Variants in TNFRSF19 observed in about 807,000 individuals in gnomAD.
TNFRSF19 encodes TNF receptor superfamily member 19.
TNFRSF19 carries 27 observed loss-of-function variants against 46.4 expected under a neutral mutation model. The observed-to-expected ratio is 0.58, with a 90% confidence interval of 0.43 to 0.80. TNFRSF19 has a LOEUF of 0.80. Ranked by LOEUF, TNFRSF19 falls within the 30% of genes least tolerant of loss-of-function variation. The pLI is 0.00. For synonymous variants in TNFRSF19, 204 were observed against 205.0 expected (o/e 1.00, Z 0.04); for missense variants, 511 against 530.8 (o/e 0.96, Z 0.37).
chr13:23,593,535 T>C, intron 3 of TNFRSF19, 80 bp downstream of exon 3: 1 of 952,966 alleles, frequency 1.0e-6, no homozygotes, highest in Non-Finnish European at 1.6e-6. Context: ...GAGTTAATTA[T>C]TAATGAAACT....
intron 5 of TNFRSF19, among the ~76,000 whole-genome samples, chr13:23,631,242 C>T (rs1882345347): frequency 6.6e-6 from 1 of 152,112 alleles, no homozygotes; most frequent in African/African-American, 2.4e-5. Context: ...AAGGGAACCC[C>T]AGTAGTCCCC....
chr13:23,609,155 A>C (rs1566181802), intron 3 of TNFRSF19, among the ~76,000 whole-genome samples: 1 of 152,192 alleles, frequency 6.6e-6, no homozygotes, highest in Non-Finnish European at 1.5e-5. Context: ...GTGGAGTCTG[A>C]GGATTTTATC....
chr13:23,602,629 C>G (rs140508425), intron 3 of TNFRSF19, among the ~76,000 whole-genome samples: 1 of 152,150 alleles, frequency 6.6e-6, no homozygotes, highest in East Asian at 1.9e-4. Flanking sequence ...CACACCTTAA[C>G]AAAGGTAAAA....
At chr13:23,637,157 C>T (rs1254260414) in intron 5 of TNFRSF19, among the ~76,000 whole-genome samples, 1 of 152,032 alleles carries the variant, frequency 6.6e-6, no homozygotes, top group Non-Finnish European at 1.5e-5. Context: ...TGATTTTAGG[C>T]CCGGGGGACA....
At chr13:23,620,245 C>T (rs1047428839) in intron 4 of TNFRSF19, among the ~76,000 whole-genome samples, 10 of 152,158 alleles carry the variant, frequency 6.6e-5, no homozygotes, top group African/African-American at 1.7e-4. Flanking sequence ...GGCAGAAAGA[C>T]GTGAGCAAAA....
intron 4 of TNFRSF19, among the ~76,000 whole-genome samples, 167 bp from the exon 5 acceptor site, chr13:23,626,540 G>A (rs1882024296): frequency 6.6e-6 from 1 of 151,894 alleles, no homozygotes; most frequent in Non-Finnish European, 1.5e-5. Flanking sequence ...TATTTCTTAA[G>A]TGTCCACTGC....
chr13:23,579,187 G>A (rs1292965991), intron 1 of TNFRSF19, among the ~76,000 whole-genome samples: 1 of 152,248 alleles, frequency 6.6e-6, no homozygotes, highest in Non-Finnish European at 1.5e-5. Context: ...TAGCCGCGGA[G>A]TGGGGGCCTC....
rs764613771 is a variant in TNFRSF19 at position 23,668,618 on chromosome 13, C to T, written c.840-74C>T. On this transcript the variant is annotated intron_variant, in intron 8 of 9. Coordinates refer to ENST00000248484, the MANE Select transcript of TNFRSF19 (RefSeq NM_148957.4). Reference sequence around the variant, plus strand: ...ATTTCATTTAGAAGACCTAAAATTACGGCTGACATGCTTCTTTGTAGTAGT... The same window carrying T: ...ATTTCATTTAGAAGACCTAAAATTATGGCTGACATGCTTCTTTGTAGTAGT... 750 of 1,508,682 alleles carry T rather than the reference C, an allele frequency of 5.0e-4. 1 individual carries two copies. The highest frequency in any genetic ancestry group is 5.9e-4 in the Non-Finnish European group (661 of 1,125,774). The allele number at this position is 1,508,682 out of a possible 1,614,324, so 93.5% of individuals were successfully genotyped here. A position where few individuals can be genotyped will look rare whatever the true frequency, so the allele number is the denominator to read the frequency against.
intron 7 of TNFRSF19, among the ~76,000 whole-genome samples, chr13:23,664,683 A>G (rs1335894495): frequency 1.3e-5 from 2 of 152,220 alleles, no homozygotes; most frequent in Non-Finnish European, 2.9e-5. Context: ...TTATCAGTTA[A>G]GTGTTCCAGT....
At chr13:23,595,325 A>G (rs904637741) in intron 3 of TNFRSF19, among the ~76,000 whole-genome samples, 5 of 152,234 alleles carry the variant, frequency 3.3e-5, no homozygotes, top group African/African-American at 1.2e-4. Flanking sequence ...CTAAAGGAGC[A>G]TGTTCTAACC....
intron 5 of TNFRSF19, among the ~76,000 whole-genome samples, chr13:23,632,631 A>G (rs1414026338): frequency 6.6e-6 from 1 of 152,192 alleles, no homozygotes; most frequent in Non-Finnish European, 1.5e-5. Context: ...CTGGAAAATA[A>G]TCTAAAATAG....
chr13:23,620,444 C>T (rs1459658135), intron 4 of TNFRSF19, among the ~76,000 whole-genome samples: 1 of 152,208 alleles, frequency 6.6e-6, no homozygotes, highest in Admixed American at 6.5e-5. Flanking sequence ...CATCTGTCCT[C>T]CGTGCCCACA....
rs1002431688 is a variant in TNFRSF19 at position 23,593,206 on chromosome 13, A to T, written c.70-139A>T. On this transcript the variant is annotated intron_variant, in intron 2 of 9. Transcript: ENST00000248484. ...TATTCAGAAAGTGTGTTTTCTTCCTAAAGTGAACATTGAATTGACTTGAAC... is the reference window on the plus strand; with the variant it reads ...TATTCAGAAAGTGTGTTTTCTTCCTTAAGTGAACATTGAATTGACTTGAAC... 5 of 516,892 alleles carry T rather than the reference A, an allele frequency of 9.7e-6. No homozygotes were observed. The East Asian group carries it at 1.8e-4, about 18-fold the overall frequency. 32.0% of individuals were successfully genotyped at this position (516,892 alleles called of 1,614,324 possible). A position where few individuals can be genotyped will look rare whatever the true frequency, so the allele number is the denominator to read the frequency against.
At chr13:23,647,968 A>AC (rs869088226) in intron 5 of TNFRSF19, among the ~76,000 whole-genome samples, 15 of 150,280 alleles carry the variant, frequency 1.0e-4, no homozygotes, top group Non-Finnish European at 1.8e-4. Context: ...GTACCACACC[A>AC]CCCCCCCTTT....
chr13:23,585,348 G>A (rs1430741661), intron 1 of TNFRSF19: 3 of 152,060 alleles, frequency 2.0e-5, no homozygotes, highest in Admixed American at 6.6e-5. Context: ...TTATTACAAA[G>A]CACATATGTT....
At chr13:23,596,943 C>T (rs1266197349) in intron 3 of TNFRSF19, among the ~76,000 whole-genome samples, 2 of 152,212 alleles carry the variant, frequency 1.3e-5, no homozygotes, top group East Asian at 1.9e-4. Flanking sequence ...GATTGAGAAA[C>T]TCACTCAAAG....
rs562164237 is a variant in TNFRSF19, at chr13:23,631,433, G to A, written c.445+4641G>A. 7.2e-5 allele frequency among the ~76,000 whole-genome samples: 11 copies of A among 152,204 alleles called. No homozygotes were observed. In the South Asian group the frequency reaches 2.3e-3, roughly 32 times the overall value. ...TTTTTTTCATATAATGACTTGTCTG[G>A]GTAAAGTGTCACACAGGTATGTGGC... is the stretch of plus-strand genomic sequence containing the variant. On this transcript the variant is annotated intron_variant, in intron 5 of 9. Transcript: ENST00000248484.
In TNFRSF19 at chr13:23,676,092, T is replaced by C. The variant is rs1034869990; in HGVS notation, c.*2712T>C. On this transcript the variant is annotated 3_prime_UTR_variant, in exon 10 of 10. Coordinates refer to ENST00000248484, the MANE Select transcript of TNFRSF19 (RefSeq NM_148957.4). The stretch of plus-strand genomic sequence containing the variant: ...GAATAAAATTATCACCTGGTATTCT[T>C]ATTTATGTGTTCAGTGAGAGAATGA... 3 of 152,230 alleles carry C rather than the reference T, an allele frequency of 2.0e-5. No homozygotes were observed. The highest frequency in any genetic ancestry group is 2.9e-5 in the Non-Finnish European group (2 of 68,042). The allele number at this position is 152,230 out of a possible 1,614,324, so 9.4% of individuals were successfully genotyped here.
At chr13:23,585,955 T>C (rs55882269) in intron 1 of TNFRSF19, among the ~76,000 whole-genome samples, 11,958 of 152,248 alleles carry the variant, frequency 0.079, 691 homozygotes, top group East Asian at 0.28. Flanking sequence ...ATTTTAAAGA[T>C]TTAAGTGCTG....
Sources: allele counts gnomAD v4.1 joint callset (sites outside exome capture counted in the v4.1 genomes callset), GRCh38; gene constraint gnomAD v4.1.1; transcripts MANE v1.5; gene names NCBI Gene and HGNC (gene_info 2026-07-23, HGNC 2026-07-21).